The following NCK1 variants were observed in gnomAD, a reference collection of about 807,000 sequenced individuals.
NCK1 encodes NCK adaptor protein 1, also known as SH2/SH3 adapter protein NCK1.
NCK1 carries 19 observed loss-of-function variants against 36.6 expected under a neutral mutation model. That is an observed-to-expected ratio of 0.52 (90% CI 0.36 to 0.76). The LOEUF (loss-of-function observed/expected upper bound fraction) is 0.76, where lower values mean the gene tolerates loss of function less well. NCK1 is among the 30% of genes least tolerant of loss of function. The probability of loss-of-function intolerance (pLI) is 0.00; values close to 1 mark genes in which losing one functional copy is unlikely to be tolerated. For missense variants in NCK1, 358 were observed against 445.6 expected (o/e 0.80, Z 1.77); for synonymous variants, 165 against 156.0 (o/e 1.06, Z -0.43).
chr3:136,905,770 G>A (rs1439357788), intron 1 of NCK1, among the ~76,000 whole-genome samples: 2 of 151,838 alleles, frequency 1.3e-5, no homozygotes, highest in Non-Finnish European at 2.9e-5. Context: ...GACTACAGGT[G>A]CATGCCACCA....
chr3:136,939,447 T>A (rs1233330534), intron 2 of NCK1, among the ~76,000 whole-genome samples: 1 of 152,190 alleles, frequency 6.6e-6, no homozygotes, highest in Non-Finnish European at 1.5e-5. Context: ...TTTTCTGTTC[T>A]CTTTTGTGTA....
intron 1 of NCK1, among the ~76,000 whole-genome samples, chr3:136,916,828 C>G (rs185020782): frequency 2.1e-4 from 32 of 152,024 alleles, no homozygotes; most frequent in Admixed American, 2.0e-3. Context: ...AGTTCAATTC[C>G]CTTATTTTGT....
At chr3:136,896,404 C>G (rs1939391828) in intron 1 of NCK1, among the ~76,000 whole-genome samples, 2 of 152,180 alleles carry the variant, frequency 1.3e-5, no homozygotes, top group African/African-American at 2.4e-5. Flanking sequence ...CTTTCTAGTC[C>G]TGGCTTATTT....
At position 136,886,521 on chromosome 3, in the gene NCK1, A is replaced by G. The variant is rs1467461459; in HGVS notation, c.-19+24168A>G. ...AATGACAAGGAAAAAACGTCTGTAT[A>G]TGTTTAGTACAGGTGCTTTTTTTTT... On this transcript the variant is annotated intron_variant, in intron 1 of 3. Transcript: ENST00000481752. Among the ~76,000 whole-genome samples the G allele has an allele frequency of 2.6e-5, 4 of 152,134 alleles. No individual in the cohort carries two copies. The South Asian group carries it at 6.2e-4, about 24-fold the overall frequency.
chr3:136,895,866 G>T (rs1158707093), intron 1 of NCK1, among the ~76,000 whole-genome samples: 2 of 152,066 alleles, frequency 1.3e-5, no homozygotes, highest in African/African-American at 4.8e-5. Context: ...TGCCCAGTCT[G>T]TATGTTATTT....
intron 1 of NCK1, among the ~76,000 whole-genome samples, chr3:136,923,283 C>T (rs1053911023): frequency 1.4e-5 from 2 of 143,854 alleles, no homozygotes; most frequent in Admixed American, 7.3e-5. Context: ...AGGCCGGGCG[C>T]GGTGGCTCAC....
At chr3:136,902,414 C>T (rs543602102) in intron 1 of NCK1, among the ~76,000 whole-genome samples, 142 of 152,222 alleles carry the variant, frequency 9.3e-4, no homozygotes, top group African/African-American at 8.4e-4. Context: ...AGGCTGGTCT[C>T]GAGCTCCTGA....
At chr3:136,890,804 T>A (rs188877138) in intron 1 of NCK1, among the ~76,000 whole-genome samples, 14 of 152,324 alleles carry the variant, frequency 9.2e-5, no homozygotes, top group African/African-American at 3.4e-4. Context: ...CACATTGTTA[T>A]GCAGCCATCA....
chr3:136,941,797 C>G (rs1269983798), intron 2 of NCK1, among the ~76,000 whole-genome samples: 2 of 151,790 alleles, frequency 1.3e-5, no homozygotes. Context: ...CATATGACTT[C>G]AAATTACTGT....
intron 2 of NCK1, among the ~76,000 whole-genome samples, chr3:136,932,834 T>C (rs1940429020): frequency 6.6e-6 from 1 of 152,218 alleles, no homozygotes; most frequent in Non-Finnish European, 1.5e-5. Context: ...GGGAACAGAA[T>C]TGTAGTTGAC....
chr3:136,895,344 G>C (rs547974536), intron 1 of NCK1, among the ~76,000 whole-genome samples: 1 of 151,406 alleles, frequency 6.6e-6, no homozygotes, highest in Non-Finnish European at 1.5e-5. Context: ...TCATGTTTCC[G>C]TACCTTTTAA....
chr3:136,951,101 A>G lies in NCK1; in HGVS notation c.*2648A>G, dbSNP rs1400854148. On this transcript the variant is annotated 3_prime_UTR_variant, in exon 4 of 4. Coordinates refer to ENST00000481752, the MANE Select transcript of NCK1 (RefSeq NM_001291999.2). The stretch of plus-strand genomic sequence containing the variant: ...AATCTATTGCCATTGCTAGAAGAAT[A>G]AATAGGCCTAGCAGATGGGCAACTT... Among the ~76,000 whole-genome samples the G allele has an allele frequency of 6.6e-6, 1 of 152,220 alleles. No homozygotes were observed. The highest frequency in any genetic ancestry group is 6.5e-5 in the Admixed American group (1 of 15,278).
chr3:136,930,163 C>T (rs937255827), intron 2 of NCK1, among the ~76,000 whole-genome samples: 3 of 151,900 alleles, frequency 2.0e-5, no homozygotes, highest in African/African-American at 7.3e-5. Flanking sequence ...CTTAAATATC[C>T]GGTGTAATTA....
chr3:136,896,895 T>C (rs1939405711), intron 1 of NCK1, among the ~76,000 whole-genome samples: 1 of 151,912 alleles, frequency 6.6e-6, no homozygotes, highest in Admixed American at 6.7e-5. Context: ...CCCTTTGATA[T>C]ACTGATTTCT....
chr3:136,912,886 G>A (rs1171452240), intron 1 of NCK1, among the ~76,000 whole-genome samples: 4 of 151,718 alleles, frequency 2.6e-5, no homozygotes, highest in Non-Finnish European at 5.9e-5. Flanking sequence ...TTGATATCCT[G>A]GACTCAAGTG....
At chr3:136,946,610 C>T (rs1229033136) in intron 3 of NCK1, among the ~76,000 whole-genome samples, 1 of 152,080 alleles carries the variant, frequency 6.6e-6, no homozygotes, top group Non-Finnish European at 1.5e-5. Context: ...CTGGCCTCTT[C>T]ATTGAGAGTA....
intron 1 of NCK1, among the ~76,000 whole-genome samples, chr3:136,925,068 A>G (rs988665970): frequency 4.6e-5 from 7 of 152,178 alleles, no homozygotes; most frequent in African/African-American, 1.4e-4. Context: ...TCATTATACT[A>G]TTCTCTTCTG....
intron 3 of NCK1, 75 bp from the exon 4 acceptor site, chr3:136,948,184 T>G (rs899120381): frequency 3.7e-5 from 44 of 1,204,248 alleles, no homozygotes; most frequent in Middle Eastern, 2.8e-4. Flanking sequence ...AGATTTTAGC[T>G]TTTAGTTTAA....
chr3:136,882,339 G>A lies in NCK1; in HGVS notation c.-19+19986G>A, dbSNP rs144876497. Among the ~76,000 whole-genome samples, 441 of 151,980 alleles carry A rather than the reference G, an allele frequency of 2.9e-3. 3 individuals carry two copies. The highest frequency in any genetic ancestry group is 0.01 in the African/African-American group (421 of 41,448). On this transcript the variant is annotated intron_variant, in intron 1 of 3. Transcript: ENST00000481752. ...ATTTCGAGAAATGTCTATTTTGTTC[G>A]TTTGCCCATTTTTCATTTGGGTTAT...
Sources: allele counts gnomAD v4.1 joint callset (sites outside exome capture counted in the v4.1 genomes callset), GRCh38; gene constraint gnomAD v4.1.1; transcripts MANE v1.5; gene names NCBI Gene and HGNC (gene_info 2026-07-23, HGNC 2026-07-21).